The following AK1 variants were observed in gnomAD, a reference collection of about 807,000 sequenced individuals.
AK1 encodes the protein adenylate kinase 1, also known as adenylate kinase isoenzyme 1.
Under a neutral mutation model 23.9 loss-of-function variants are expected in AK1, and 13 were observed. The ratio of observed to expected loss-of-function variants is 0.54; its 90% confidence interval spans 0.35 to 0.86. The LOEUF is 0.86. Among genes scored for constraint, AK1 ranks in the 40% least tolerant of loss-of-function variants. The probability of loss-of-function intolerance (pLI) is 0.01; values close to 1 mark genes in which losing one functional copy is unlikely to be tolerated. For synonymous variants in AK1, 97 were observed against 102.8 expected (o/e 0.94, Z 0.34); for missense variants, 214 against 255.1 (o/e 0.84, Z 1.10).
At chr9:127,873,268 G>A in intron 2 of AK1, 1 of 1,532,604 alleles carries the variant, frequency 6.5e-7, no homozygotes, top group South Asian at 1.2e-5. Flanking sequence ...AAGAGAGGGT[G>A]CTCCAGGCAG....
chr9:127,870,806 GGGGC>G (rs1225130925), intron 5 of AK1, among the ~76,000 whole-genome samples: 1 of 16,198 alleles, frequency 6.2e-5, no homozygotes, highest in African/African-American at 1.1e-4. Flanking sequence ...CTACGGAGAC[GGGGC>G]ATGGGAATGG....
intron 5 of AK1, among the ~76,000 whole-genome samples, chr9:127,870,875 A>G (rs1017628799): frequency 9.2e-5 from 14 of 151,476 alleles, no homozygotes; most frequent in African/African-American, 3.4e-4. Context: ...GCCCACCAGG[A>G]TGCTGGTTAG....
intron 2 of AK1, chr9:127,873,624 G>A: frequency 1.4e-6 from 2 of 1,412,470 alleles, no homozygotes; most frequent in Middle Eastern, 2.5e-4. Flanking sequence ...GCCCAGAGAG[G>A]GCGGTGAGCT....
chr9:127,868,086 G>A lies in AK1; in HGVS notation c.517-10C>T. 6.2e-7 allele frequency: 1 copy of A among 1,613,970 alleles called. No homozygotes were observed. Among genetic ancestry groups the A allele is most frequent in the Non-Finnish European group, 8.5e-7 (1 of 1,179,860 alleles). On this transcript the variant is annotated splice_polypyrimidine_tract_variant and intron_variant, in intron 6 of 6. Transcript: ENST00000644144. This position sits in a 1 kb window ranked among gnomAD's most constrained non-coding sequence, Gnocchi z 4.1. The stretch of plus-strand genomic sequence containing the variant: ...AGCCCTCAGCGTTGACCTGTGGGGA[G>A]ATGGGCCGTGAGGGCTGAGTCACCA...
At chr9:127,876,651 G>T (rs1288142164) in intron 1 of AK1, among the ~76,000 whole-genome samples, 1 of 151,884 alleles carries the variant, frequency 6.6e-6, no homozygotes, top group South Asian at 2.1e-4. Flanking sequence ...AAGTGGCCTC[G>T]ACCCCGCCCT....
intron 5 of AK1, among the ~76,000 whole-genome samples, chr9:127,870,812 T>TGGGAATGGGGCAC (rs1829380450): frequency 6.1e-5 from 1 of 16,430 alleles, no homozygotes; most frequent in African/African-American, 1.1e-4. Context: ...AGACGGGGCA[T>TGGGAATGGGGCAC]GGGAATGGGG....
chr9:127,869,198 G>A (rs895218205), intron 5 of AK1, among the ~76,000 whole-genome samples: 1 of 152,170 alleles, frequency 6.6e-6, no homozygotes, highest in African/African-American at 2.4e-5. Flanking sequence ...ATAAGGTTCT[G>A]CAGCCCCTGC....
At chr9:127,874,726 G>A (rs1297059412) in intron 1 of AK1, 77 bp from the exon 2 acceptor site, 2 of 1,432,314 alleles carry the variant, frequency 1.4e-6, no homozygotes, top group African/African-American at 2.8e-5. Flanking sequence ...CACACCCAAG[G>A]CAACTGGTGT....
chr9:127,874,250 G>C (rs1280383553), intron 2 of AK1: 1 of 985,302 alleles, frequency 1.0e-6, no homozygotes, highest in Admixed American at 6.1e-5. Context: ...CTCACTGGAT[G>C]ATAGGGAAAC....
Position 127,871,805 on chromosome 9 carries a change from C to G in AK1, c.324+18G>C. The G allele has an allele frequency of 6.2e-7, 1 of 1,609,084 alleles. No individual in the cohort carries two copies. Among genetic ancestry groups the G allele is most frequent in the Non-Finnish European group, 8.5e-7 (1 of 1,175,468 alleles). ...CTGCCCCAGCCCACCAGGATCCCCACTTGGGTCAGTGCCTTACCCGTCGCT... is the reference window on the plus strand; with the variant it reads ...CTGCCCCAGCCCACCAGGATCCCCAGTTGGGTCAGTGCCTTACCCGTCGCT... On this transcript the variant is annotated intron_variant, in intron 5 of 6. Coordinates refer to ENST00000644144, the MANE Select transcript of AK1 (RefSeq NM_000476.3). This position sits in a 1 kb window ranked among gnomAD's most constrained non-coding sequence, Gnocchi z 4.4.
chr9:127,875,086 G>A (rs1164255977), intron 1 of AK1: 2 of 243,286 alleles, frequency 8.2e-6, no homozygotes, highest in African/African-American at 4.4e-5. Flanking sequence ...CTGCCAGGAG[G>A]TGGGAGGTGG....
chr9:127,874,341 A>G, intron 2 of AK1: 1 of 985,412 alleles, frequency 1.0e-6, no homozygotes, highest in Non-Finnish European at 1.2e-6. Flanking sequence ...TCCATGGGGC[A>G]GGGTCTCAGC....
chr9:127,871,732 C>T lies in AK1; in HGVS notation c.324+91G>A. 2.9e-6 allele frequency: 3 copies of T among 1,032,972 alleles called. No homozygotes were observed. Among genetic ancestry groups the T allele is most frequent in the Non-Finnish European group, 4.6e-6 (3 of 656,992 alleles). The allele number at this position is 1,032,972 out of a possible 1,614,324, so 64.0% of individuals were successfully genotyped here. A position where few individuals can be genotyped will look rare whatever the true frequency, so the allele number is the denominator to read the frequency against. On this transcript the variant is annotated intron_variant, in intron 5 of 6. Coordinates refer to ENST00000644144, the MANE Select transcript of AK1 (RefSeq NM_000476.3). This position sits in a 1 kb window ranked among gnomAD's most constrained non-coding sequence, Gnocchi z 4.4. ...ATCAGCCTCTGCTCAGAACTCTGAC[C>T]TGCATCACAGCCCCCGCAGGCCCGC...
At chr9:127,874,076 G>A (rs1452273800) in intron 2 of AK1, 2 of 985,352 alleles carry the variant, frequency 2.0e-6, no homozygotes, top group Non-Finnish European at 2.4e-6. Context: ...CCCGCTGGGT[G>A]TCTTTAAGAG....
chr9:127,874,378 C>T (rs544491475), intron 2 of AK1: 248 of 985,310 alleles, frequency 2.5e-4, no homozygotes, highest in Admixed American at 7.4e-4. Flanking sequence ...AGGGGGTGTG[C>T]GCTGGGGCCC....
Position 127,873,425 on chromosome 9 carries a change from G to T in AK1, c.8-364C>A, listed in dbSNP as rs765324583. 4.5e-6 allele frequency: 7 copies of T among 1,564,734 alleles called. No individual in the cohort carries two copies. In the South Asian group the frequency reaches 8.4e-5, roughly 19 times the overall value. On this transcript the variant is annotated intron_variant, in intron 2 of 6. Transcript: ENST00000644144. ...CTCTCAGATCGTCTTCTCTGCGGGG[G>T]TCACTCGAGGAGCAGCAGCCCATGG...
chr9:127,872,585 G>A (rs1040139280), intron 4 of AK1, 105 bp downstream of exon 4: 45 of 1,477,938 alleles, frequency 3.0e-5, no homozygotes, highest in Admixed American at 8.7e-5. Flanking sequence ...AGCCGGGGGC[G>A]GTTACGGTCA....
chr9:127,872,079 G>A, intron 4 of AK1, 140 bp from the exon 5 acceptor site: 1 of 734,988 alleles, frequency 1.4e-6, no homozygotes, highest in East Asian at 2.6e-5. Context: ...CCTCCAGGAA[G>A]CTTCCTCGGA....
rs139541022 is a variant in AK1, at chr9:127,866,914, G to C, written c.*1094C>G. ...GGACATTGAGTCTGTTTTAGAATTG[G>C]AAACGGCTCACAGAGGGTGGGCTGT... On this transcript the variant is annotated 3_prime_UTR_variant, in exon 7 of 7. Coordinates refer to ENST00000644144, the MANE Select transcript of AK1 (RefSeq NM_000476.3). The C allele has an allele frequency of 6.6e-6, 1 of 152,300 alleles. No individual in the cohort carries two copies. Among genetic ancestry groups the C allele is most frequent in the East Asian group, 1.9e-4 (1 of 5,186 alleles). The allele number at this position is 152,300 out of a possible 1,614,324, so 9.4% of individuals were successfully genotyped here.
Sources: allele counts gnomAD v4.1 joint callset (sites outside exome capture counted in the v4.1 genomes callset), GRCh38; gene constraint gnomAD v4.1.1; non-coding constraint Gnocchi (gnomAD v3.1); transcripts MANE v1.5; gene names NCBI Gene and HGNC (gene_info 2026-07-23, HGNC 2026-07-21).